SMCO2: variants seen among roughly 807,000 people sequenced by gnomAD.
The protein encoded by SMCO2 is single-pass membrane and coiled-coil domain-containing protein 2.
SMCO2 carries 25 observed loss-of-function variants against 29.5 expected under a neutral mutation model. The ratio of observed to expected loss-of-function variants is 0.85; its 90% confidence interval spans 0.62 to 1.18. The LOEUF (loss-of-function observed/expected upper bound fraction) is 1.18, where lower values mean the gene tolerates loss of function less well. Among genes scored for constraint, SMCO2 ranks in the 50% most tolerant of loss-of-function variants. The pLI, the probability that SMCO2 is intolerant of heterozygous loss-of-function variation, is 0.00. For synonymous variants in SMCO2, 117 were observed against 123.3 expected, an observed-to-expected ratio of 0.95 and a Z score of 0.34; for missense variants, 348 against 344.5, an observed-to-expected ratio of 1.01 and a Z score of -0.08.
chr12:27,472,196 C>A (rs956979687), intron 2 of SMCO2, among the ~76,000 whole-genome samples: 3 of 152,120 alleles, frequency 2.0e-5, no homozygotes, highest in Admixed American at 2.0e-4. Flanking sequence ...TTGATGTATA[C>A]ACAGAATGGA....
At chr12:27,476,110 C>T (rs146804112) in intron 4 of SMCO2, among the ~76,000 whole-genome samples, 1 of 152,212 alleles carries the variant, frequency 6.6e-6, no homozygotes, top group African/African-American at 2.4e-5. Flanking sequence ...TAATTTCTTC[C>T]TTGACCCAAT....
upstream of SMCO2, among the ~76,000 whole-genome samples, chr12:27,466,203 C>T (rs781491668): frequency 6.6e-6 from 1 of 152,140 alleles, no homozygotes; most frequent in Non-Finnish European, 1.5e-5. Context: ...GGGTGGATCC[C>T]TTGAGGTCAG....
chr12:27,488,651 T>G (rs1254632818), intron 5 of SMCO2, 104 bp downstream of exon 6: 9 of 758,144 alleles, frequency 1.2e-5, no homozygotes, highest in Non-Finnish European at 1.6e-5. Flanking sequence ...GTAAGACTCA[T>G]AAGCAGGAGT....
chr12:27,435,315 A>G, the SMCO2 span, among the ~76,000 whole-genome samples: 1 of 75,362 alleles, frequency 1.3e-5, no homozygotes, highest in Non-Finnish European at 2.5e-5. Flanking sequence ...CAATTGTGAC[A>G]ACCAAAAATG....
the SMCO2 span, among the ~76,000 whole-genome samples, chr12:27,461,188 A>G: frequency 6.6e-6 from 1 of 152,150 alleles, no homozygotes; most frequent in Non-Finnish European, 1.5e-5. Context: ...TGCTATGTCA[A>G]TATTATATTG....
At chr12:27,434,902 C>T in the SMCO2 span, among the ~76,000 whole-genome samples, 4 of 152,102 alleles carry the variant, frequency 2.6e-5, no homozygotes, top group Admixed American at 6.5e-5. Context: ...CTACACGAGG[C>T]GGCACCTGCT....
At chr12:27,464,346 G>T (rs1352410097), upstream of SMCO2, among the ~76,000 whole-genome samples, 1 of 152,136 alleles carries the variant, frequency 6.6e-6, no homozygotes, top group East Asian at 1.9e-4. Context: ...TCAGGGGCTG[G>T]CAGAGTGGGA....
the SMCO2 span, among the ~76,000 whole-genome samples, chr12:27,432,392 C>T: frequency 6.6e-6 from 1 of 152,090 alleles, no homozygotes; most frequent in Non-Finnish European, 1.5e-5. Context: ...TTAACAAATG[C>T]CATGAAATAC....
chr12:27,443,332 G>T, the SMCO2 span, among the ~76,000 whole-genome samples: 6 of 151,666 alleles, frequency 4.0e-5, no homozygotes, highest in Non-Finnish European at 5.9e-5. Context: ...TGATAAAAAG[G>T]CTCCTCAAAA....
At chr12:27,491,652 A>C (rs1260370149) in intron 5 of SMCO2, among the ~76,000 whole-genome samples, 1 of 151,872 alleles carries the variant, frequency 6.6e-6, no homozygotes, top group Non-Finnish European at 1.5e-5. Flanking sequence ...CGCAATGGCC[A>C]CTTACATAGG....
the SMCO2 span, among the ~76,000 whole-genome samples, chr12:27,433,232 C>G: frequency 6.6e-6 from 1 of 151,974 alleles, no homozygotes; most frequent in Non-Finnish European, 1.5e-5. Flanking sequence ...TAAAAAAGAT[C>G]CATTCTCTTT....
the SMCO2 span, among the ~76,000 whole-genome samples, chr12:27,454,215 C>T: frequency 3.3e-5 from 5 of 152,154 alleles, no homozygotes; most frequent in African/African-American, 1.2e-4. Context: ...AACTCCTGGG[C>T]TCAAGTGATT....
chr12:27,449,833 C>T, the SMCO2 span, among the ~76,000 whole-genome samples: 1 of 152,132 alleles, frequency 6.6e-6, no homozygotes, highest in African/African-American at 2.4e-5. Context: ...ATTAGAGAAC[C>T]AAAAGGAGGG....
chr12:27,466,213 G>C (rs1949497373), upstream of SMCO2, among the ~76,000 whole-genome samples: 1 of 152,138 alleles, frequency 6.6e-6, no homozygotes, highest in African/African-American at 2.4e-5. Context: ...CTTGAGGTCA[G>C]GAGTTCGAGA....
chr12:27,445,437 A>C, the SMCO2 span, among the ~76,000 whole-genome samples: 28 of 152,306 alleles, frequency 1.8e-4, no homozygotes, highest in African/African-American at 6.7e-4. Flanking sequence ...TTGAAATTCA[A>C]ATTTAACTGG....
chr12:27,450,196 C>T, the SMCO2 span, among the ~76,000 whole-genome samples: 1 of 152,278 alleles, frequency 6.6e-6, no homozygotes, highest in East Asian at 1.9e-4. Flanking sequence ...GTCACCAAAA[C>T]ATATTCTCCT....
At chr12:27,446,323 G>C in the SMCO2 span, among the ~76,000 whole-genome samples, 1 of 152,128 alleles carries the variant, frequency 6.6e-6, no homozygotes, top group Non-Finnish European at 1.5e-5. Flanking sequence ...GCTCTCTGGT[G>C]CCTCTTCTTA....
At chr12:27,423,968 A>G in the SMCO2 span, 6 of 152,362 alleles carry the variant, frequency 3.9e-5, no homozygotes, top group East Asian at 1.2e-3. Context: ...TGTAAGATAC[A>G]TACCAGATTT....
chr12:27,433,250 A>G, the SMCO2 span, among the ~76,000 whole-genome samples: 22 of 152,320 alleles, frequency 1.4e-4, no homozygotes, highest in East Asian at 3.7e-3. Context: ...TTTTATCACT[A>G]GATTTAGAGG....
Sources: allele counts gnomAD v4.1 joint callset (sites outside exome capture counted in the v4.1 genomes callset), GRCh38; gene constraint gnomAD v4.1.1; transcripts MANE v1.5; gene names NCBI Gene and HGNC (gene_info 2026-07-23, HGNC 2026-07-21).